CDH12: variants seen among roughly 807,000 people sequenced by gnomAD.
CDH12 encodes cadherin 12, also known as cadherin-12.
Under a neutral mutation model 74.1 loss-of-function variants are expected in CDH12, and 41 were observed. That is an observed-to-expected ratio of 0.55 (90% CI 0.43 to 0.72). CDH12 has a LOEUF of 0.72. Ranked by LOEUF, CDH12 falls within the 30% of genes least tolerant of loss-of-function variation. The probability of loss-of-function intolerance (pLI) is 0.00; values close to 1 mark genes in which losing one functional copy is unlikely to be tolerated. For missense variants in CDH12, 945 were observed against 977.2 expected, an observed-to-expected ratio of 0.97 and a Z score of 0.44; for synonymous variants, 399 against 355.0, an observed-to-expected ratio of 1.12 and a Z score of -1.39.
intron 3 of CDH12, among the ~76,000 whole-genome samples, chr5:22,349,031 T>C (rs987793274): frequency 6.6e-6 from 1 of 152,174 alleles, no homozygotes; most frequent in South Asian, 2.1e-4. Flanking sequence ...AGTAGAGTCC[T>C]CATGAATGGG....
chr5:22,114,119 T>C (rs1000174152), intron 4 of CDH12, among the ~76,000 whole-genome samples: 3 of 152,164 alleles, frequency 2.0e-5, no homozygotes, highest in Admixed American at 1.3e-4. Flanking sequence ...GAAACAGCAG[T>C]AGGAGCTTTT....
In CDH12 at chr5:22,241,603, T is replaced by C. The variant is rs113775825; in HGVS notation, c.-332-28960A>G. 7.4e-3 allele frequency among the ~76,000 whole-genome samples: 1,132 copies of C among 152,130 alleles called. 14 individuals are homozygous for C. In the South Asian group the frequency reaches 0.077, roughly 10 times the overall value. On this transcript the variant is annotated intron_variant, in intron 3 of 14. Coordinates refer to ENST00000382254, the MANE Select transcript of CDH12 (RefSeq NM_004061.5). ...ATATTTTCTGTACTATTTCATACAG[T>C]TTGTTAAGCTAAAACTAAATCTTAG...
At chr5:22,083,767 C>G (rs1475233075) in intron 4 of CDH12, among the ~76,000 whole-genome samples, 1 of 152,066 alleles carries the variant, frequency 6.6e-6, no homozygotes, top group East Asian at 1.9e-4. Context: ...ACTCTTGGAT[C>G]CTCTACGGTG....
rs77286139 is a variant in CDH12, at chr5:22,505,594, T to C, written c.-522-230A>G. Among the ~76,000 whole-genome samples, 1,259 of 152,250 alleles carry C rather than the reference T, an allele frequency of 8.3e-3. 8 individuals are homozygous for C. The highest frequency in any genetic ancestry group is 0.014 in the Non-Finnish European group (939 of 67,992). On this transcript the variant is annotated intron_variant, in intron 1 of 14. Coordinates refer to ENST00000382254, the MANE Select transcript of CDH12 (RefSeq NM_004061.5). ...CAATGCTGCTTTTGATACATTGTGA[T>C]ATATAGTGATACATTGTGATAGATG...
intron 1 of CDH12, among the ~76,000 whole-genome samples, chr5:22,636,214 T>G (rs577182565): frequency 6.6e-6 from 1 of 152,174 alleles, no homozygotes; most frequent in African/African-American, 2.4e-5. Context: ...ACATGTCCAG[T>G]GGGAATATAA....
chr5:22,574,401 T>A (rs1006836851), intron 1 of CDH12, among the ~76,000 whole-genome samples: 2 of 152,106 alleles, frequency 1.3e-5, no homozygotes, highest in African/African-American at 4.8e-5. Context: ...TTTTTTTCCA[T>A]AACATGCCTT....
In CDH12 at chr5:22,365,281, C is replaced by G. The variant is rs572525004; in HGVS notation, c.-333+39976G>C. The stretch of plus-strand genomic sequence containing the variant: ...CAAGTATAAGCAGCTTTTCAAATAC[C>G]TACAGAAAATGGGTGTAGTTAATAA... On this transcript the variant is annotated intron_variant, in intron 3 of 14. Coordinates refer to ENST00000382254, the MANE Select transcript of CDH12 (RefSeq NM_004061.5). Among the ~76,000 whole-genome samples, 25 of 152,192 alleles carry G rather than the reference C, an allele frequency of 1.6e-4. No individual in the cohort carries two copies. In the East Asian group the frequency reaches 4.6e-3, roughly 28 times the overall value.
chr5:22,078,352 G>C (rs1283167018), intron 5 of CDH12, 94 bp downstream of exon 5: 8 of 1,074,278 alleles, frequency 7.4e-6, no homozygotes, highest in Non-Finnish European at 9.7e-6. Context: ...CTAGTCACTG[G>C]TTTGTTCAAC....
intron 1 of CDH12, among the ~76,000 whole-genome samples, chr5:22,627,896 T>A (rs776272053): frequency 6.6e-6 from 1 of 151,994 alleles, no homozygotes; most frequent in Non-Finnish European, 1.5e-5. Flanking sequence ...GAGGAAAATC[T>A]TCCAAGAAAA....
chr5:21,995,224 C>T (rs190967390), intron 5 of CDH12, among the ~76,000 whole-genome samples: 65 of 151,656 alleles, frequency 4.3e-4, no homozygotes, highest in African/African-American at 1.5e-3. Context: ...CCGGAAGGAA[C>T]CAATTCCAGA....
At chr5:22,379,067 A>T (rs1484811163) in intron 3 of CDH12, among the ~76,000 whole-genome samples, 1 of 152,158 alleles carries the variant, frequency 6.6e-6, no homozygotes, top group Admixed American at 6.5e-5. Flanking sequence ...TAACTGAGAA[A>T]CACAAATAGT....
chr5:21,904,014 C>T (rs1753520489), intron 6 of CDH12, among the ~76,000 whole-genome samples: 1 of 152,120 alleles, frequency 6.6e-6, no homozygotes, highest in Non-Finnish European at 1.5e-5. Flanking sequence ...TGAAAATAGA[C>T]ATGCAGCAAT....
intron 6 of CDH12, among the ~76,000 whole-genome samples, chr5:21,970,282 TA>T (rs1756780163): frequency 1.3e-5 from 2 of 152,192 alleles, no homozygotes; most frequent in African/African-American, 2.4e-5. Flanking sequence ...ACTCTGCTTT[TA>T]GGGCATAGAT....
chr5:22,201,728 AC>A (rs1180032248), intron 4 of CDH12, among the ~76,000 whole-genome samples: 3 of 152,104 alleles, frequency 2.0e-5, no homozygotes, highest in African/African-American at 7.2e-5. Context: ...CAGGGAAACT[AC>A]AAGAGAAGCC....
intron 1 of CDH12, among the ~76,000 whole-genome samples, chr5:22,683,404 A>G (rs1233152903): frequency 2.0e-5 from 3 of 152,180 alleles, no homozygotes; most frequent in Non-Finnish European, 4.4e-5. Flanking sequence ...CAGTAACTTC[A>G]GTAACACACA....
intron 3 of CDH12, among the ~76,000 whole-genome samples, chr5:22,214,098 T>C (rs1189185272): frequency 6.6e-6 from 1 of 152,018 alleles, no homozygotes; most frequent in African/African-American, 2.4e-5. Context: ...TTCCCAAATA[T>C]ATTTTTAAAG....
intron 1 of CDH12, among the ~76,000 whole-genome samples, chr5:22,661,681 T>A (rs1740356389): frequency 6.6e-6 from 1 of 152,140 alleles, no homozygotes; most frequent in South Asian, 2.1e-4. Flanking sequence ...GATTGTTAAA[T>A]AAATTTCAGA....
At chr5:22,491,610 C>CAAAAAAAAAAAAAAAAAAAAA (rs11446320) in intron 2 of CDH12, among the ~76,000 whole-genome samples, 1 of 120,902 alleles carries the variant, frequency 8.3e-6, no homozygotes. Context: ...AGCTAATGAG[C>CAAAAAAAAAAAAAAAAAAAAA]AAAAAAAAAA....
chr5:22,091,115 C>T (rs1054262626), intron 4 of CDH12, among the ~76,000 whole-genome samples: 1 of 149,640 alleles, frequency 6.7e-6, no homozygotes, highest in Admixed American at 6.7e-5. Context: ...ATTTACCAGA[C>T]TAGAAAGGTA....
Sources: allele counts gnomAD v4.1 joint callset (sites outside exome capture counted in the v4.1 genomes callset), GRCh38; gene constraint gnomAD v4.1.1; transcripts MANE v1.5; gene names NCBI Gene and HGNC (gene_info 2026-07-23, HGNC 2026-07-21).